Variants in YTHDC2 observed in about 807,000 individuals in gnomAD.
YTHDC2 encodes 3'-5' RNA helicase YTHDC2.
A neutral mutation model predicts 174.9 loss-of-function variants in YTHDC2; 45 were observed. The ratio of observed to expected loss-of-function variants is 0.26; its 90% confidence interval spans 0.20 to 0.33. The LOEUF (loss-of-function observed/expected upper bound fraction) is 0.33. Ranked by LOEUF, YTHDC2 falls within the 10% of genes least tolerant of loss-of-function variation. YTHDC2 has a pLI of 1.00. For missense variants in YTHDC2, 1,650 were observed against 1,723.7 expected (o/e 0.96, Z 0.76); for synonymous variants, 657 against 574.5 (o/e 1.14, Z -2.05).
At chr5:113,543,345 G>A (rs1775615915) in intron 10 of YTHDC2, among the ~76,000 whole-genome samples, 1 of 152,238 alleles carries the variant, frequency 6.6e-6, no homozygotes, top group Non-Finnish European at 1.5e-5. Context: ...TGCTAAGGCA[G>A]CAAAGCATAC....
chr5:113,549,893 GTGTT>G (rs1306098755), intron 12 of YTHDC2, among the ~76,000 whole-genome samples: 1 of 151,822 alleles, frequency 6.6e-6, no homozygotes, highest in African/African-American at 2.4e-5. Flanking sequence ...TGTGCAGTGA[GTGTT>G]TGTTGAATGA....
chr5:113,535,736 C>T lies in YTHDC2; in HGVS notation c.1040C>T (p.Ser347Phe), dbSNP rs770521818. ...CACCCAACTTTGAAACTAATTCTTT[C>T]TAGTGCTGCCTTGGATGTAAATCTC... ...QKHPTLKLIL[S>F]SAALDVNLFI... The change falls in exon 7 of 30, where the codon TCT (serine) becomes TTT (phenylalanine). Residue 347 changes from serine (S) to phenylalanine (F), a missense_variant. Coordinates refer to ENST00000161863, the MANE Select transcript of YTHDC2 (RefSeq NM_022828.5). The T allele has an allele frequency of 6.2e-7, 1 of 1,613,550 alleles. No individual in the cohort carries two copies. The highest frequency in any genetic ancestry group is 1.1e-5 in the South Asian group (1 of 91,018).
chr5:113,593,260 C>G (rs1313270635), intron 28 of YTHDC2, 43 bp from the exon 29 acceptor site: 1 of 1,515,374 alleles, frequency 6.6e-7, no homozygotes, highest in South Asian at 1.1e-5. Flanking sequence ...AAAATTTTCA[C>G]TCCAGTTCTT....
intron 6 of YTHDC2, 111 bp from the exon 7 acceptor site, chr5:113,535,531 T>A (rs1458084374): frequency 9.7e-6 from 10 of 1,033,666 alleles, no homozygotes; most frequent in Non-Finnish European, 1.4e-5. Context: ...TGATTGGCCT[T>A]GTCCACATTT....
intron 24 of YTHDC2, 53 bp downstream of exon 24, chr5:113,579,748 T>C (rs986328878): frequency 1.8e-5 from 27 of 1,499,904 alleles, no homozygotes; most frequent in Non-Finnish European, 2.4e-5. Flanking sequence ...TTAGTGTGAA[T>C]TGATATATAA....
intron 17 of YTHDC2, among the ~76,000 whole-genome samples, chr5:113,559,564 C>T (rs1481229781): frequency 2.6e-5 from 4 of 152,144 alleles, no homozygotes; most frequent in African/African-American, 7.2e-5. Context: ...CTCATTTGTG[C>T]CCTAGTTGAA....
rs147129401 is a variant in YTHDC2, at chr5:113,543,577, C to T, written c.1495+1074C>T. On this transcript the variant is annotated intron_variant, in intron 10 of 29. Transcript: ENST00000161863. ...TTTTATGTTACTGCAGTCTGTTCTCCGCAGAAAAATAAGACTGATCCTTTC... is the reference window on the plus strand; with the variant it reads ...TTTTATGTTACTGCAGTCTGTTCTCTGCAGAAAAATAAGACTGATCCTTTC... Among the ~76,000 whole-genome samples, 483 of 152,300 alleles carry T rather than the reference C, an allele frequency of 3.2e-3. 8 individuals carry two copies. The highest frequency in any genetic ancestry group is 0.02 in the East Asian group (106 of 5,188).
At chr5:113,586,871 C>A (rs147747074) in intron 26 of YTHDC2, among the ~76,000 whole-genome samples, 23,184 of 130,446 alleles carry the variant, frequency 0.18, 2,603 homozygotes, top group East Asian at 0.26. Context: ...CTCTCTCTCT[C>A]TCTATATATA....
chr5:113,536,512 A>G (rs1033934366), intron 7 of YTHDC2, among the ~76,000 whole-genome samples: 2 of 152,182 alleles, frequency 1.3e-5, no homozygotes, highest in African/African-American at 2.4e-5. Flanking sequence ...GTGACAGAGC[A>G]AGACTCCGTC....
chr5:113,569,210 T>C (rs1448414121), intron 23 of YTHDC2, among the ~76,000 whole-genome samples: 3 of 152,198 alleles, frequency 2.0e-5, no homozygotes, highest in Non-Finnish European at 4.4e-5. Context: ...TCTTGTAAAT[T>C]TGCTTAAGTT....
rs1779151470 is a variant in YTHDC2, at chr5:113,594,300, C to G, written c.*826C>G. On this transcript the variant is annotated 3_prime_UTR_variant, in exon 30 of 30. Transcript: ENST00000161863. ...CTTATATGAGCACAGTAATTATGACCTTTTTGTTTTGGCTACAACTTGATT... is the reference window on the plus strand; with the variant it reads ...CTTATATGAGCACAGTAATTATGACGTTTTTGTTTTGGCTACAACTTGATT... The G allele has an allele frequency of 6.6e-6, 1 of 152,066 alleles. No individual in the cohort carries two copies. The highest frequency in any genetic ancestry group is 1.5e-5 in the Non-Finnish European group (1 of 67,978). 9.4% of individuals were successfully genotyped at this position (152,066 alleles called of 1,614,324 possible).
chr5:113,537,361 CTTTT>C (rs139190695), intron 7 of YTHDC2, among the ~76,000 whole-genome samples: 4 of 124,498 alleles, frequency 3.2e-5, no homozygotes, highest in African/African-American at 6.3e-5. Flanking sequence ...GGCTCTCTCT[CTTTT>C]TTTTTTTTTT....
chr5:113,594,345 A>T lies in YTHDC2; in HGVS notation c.*871A>T, dbSNP rs1434909082. The T allele has an allele frequency of 1.3e-5, 2 of 152,120 alleles. No homozygotes were observed. Among genetic ancestry groups the T allele is most frequent in the East Asian group, 3.8e-4 (2 of 5,196 alleles). 9.4% of individuals were successfully genotyped at this position (152,120 alleles called of 1,614,324 possible). ...TTGATTGAAACAAGTTCAAAATTTAAACAAGTTCATACAAGTTTTTAAAAA... is the reference window on the plus strand; with the variant it reads ...TTGATTGAAACAAGTTCAAAATTTATACAAGTTCATACAAGTTTTTAAAAA... On this transcript the variant is annotated 3_prime_UTR_variant, in exon 30 of 30. Transcript: ENST00000161863.
At chr5:113,567,920 T>TGG in intron 23 of YTHDC2, 71 bp downstream of exon 23, 2 of 1,188,276 alleles carry the variant, frequency 1.7e-6, no homozygotes, top group Non-Finnish European at 2.3e-6. Context: ...TGAAATTATT[T>TGG]TACTAAACCA....
chr5:113,542,288 C>T (rs1775540481), intron 9 of YTHDC2, 80 bp from the exon 10 acceptor site: 1 of 1,414,674 alleles, frequency 7.1e-7, no homozygotes, highest in Admixed American at 2.1e-5. Context: ...GTCCTGATGG[C>T]CATTGTGGCC....
intron 3 of YTHDC2, among the ~76,000 whole-genome samples, 181 bp downstream of exon 3, chr5:113,525,358 A>G (rs941045027): frequency 1.3e-5 from 2 of 152,104 alleles, no homozygotes; most frequent in African/African-American, 4.8e-5. Flanking sequence ...CATGTCATTA[A>G]GTTGAACCAA....
chr5:113,528,467 T>G lies in YTHDC2; in HGVS notation c.675+1682T>G, dbSNP rs149825688. Among the ~76,000 whole-genome samples, 202 of 152,340 alleles carry G rather than the reference T, an allele frequency of 1.3e-3. 6 individuals are homozygous for G. In the East Asian group the frequency reaches 0.02, roughly 15 times the overall value. On this transcript the variant is annotated intron_variant, in intron 4 of 29. Coordinates refer to ENST00000161863, the MANE Select transcript of YTHDC2 (RefSeq NM_022828.5). ...TGCTTTTTGAATATTTTTTCTTATTTGTGTTCGTTGTGTGAAACTTGAACA... is the reference window on the plus strand; with the variant it reads ...TGCTTTTTGAATATTTTTTCTTATTGGTGTTCGTTGTGTGAAACTTGAACA...
chr5:113,573,437 T>A (rs1169341872), intron 23 of YTHDC2, among the ~76,000 whole-genome samples: 1 of 152,086 alleles, frequency 6.6e-6, no homozygotes, highest in Non-Finnish European at 1.5e-5. Flanking sequence ...AATCTGATGA[T>A]TTTTTTGTCT....
At chr5:113,556,502 G>A (rs1004763916) in intron 17 of YTHDC2, 1 of 160,052 alleles carries the variant, frequency 6.2e-6, no homozygotes, top group African/African-American at 2.4e-5. Context: ...GCACAAATAG[G>A]CAATTTACCA....
Sources: gnomAD v4.1 joint callset for allele counts (sites outside exome capture counted in the v4.1 genomes callset) on GRCh38, gnomAD v4.1.1 for gene constraint, MANE v1.5 for transcripts, NCBI Gene and HGNC (gene_info 2026-07-23, HGNC 2026-07-21) for gene names.